CLOCK: variants seen among roughly 807,000 people sequenced by gnomAD.
CLOCK encodes the protein clock circadian regulator.
A neutral mutation model predicts 118.4 loss-of-function variants in CLOCK; 43 were observed. The observed-to-expected ratio is 0.36, with a 90% CI of 0.28 to 0.47. CLOCK has a LOEUF of 0.47. CLOCK is among the 20% of genes least tolerant of loss of function. The pLI is 1.00. For missense variants in CLOCK, 846 were observed against 999.9 expected (o/e 0.85, Z 2.08); for synonymous variants, 326 against 339.2 (o/e 0.96, Z 0.43).
At chr4:55,452,892 C>T in intron 15 of CLOCK, 162 bp downstream of exon 15, 4 of 555,160 alleles carry the variant, frequency 7.2e-6, no homozygotes, top group Non-Finnish European at 1.2e-5. Flanking sequence ...AGGTGAGACT[C>T]TAAAATATTA....
At chr4:55,521,142 G>A (rs1729821160) in intron 1 of CLOCK, among the ~76,000 whole-genome samples, 1 of 152,068 alleles carries the variant, frequency 6.6e-6, no homozygotes. Flanking sequence ...AAATGTACTA[G>A]AAAAAAATTC....
At position 55,428,583 on chromosome 4, in the gene CLOCK, AAT is replaced by A. The variant is rs1722331200; in HGVS notation, c.*6830_*6831del. On this transcript the variant is annotated 3_prime_UTR_variant, in exon 23 of 23. Coordinates refer to ENST00000513440, the MANE Select transcript of CLOCK (RefSeq NM_004898.4). ...TAAAGGGTATTCTTATCTCAAGATC[AAT>A]TAGCCGTTTTTAGCTCCACCGTTTT... 6.6e-6 allele frequency: 1 copy of A among 152,186 alleles called. No individual in the cohort carries two copies. The highest frequency in any genetic ancestry group is 1.5e-5 in the Non-Finnish European group (1 of 68,030). 9.4% of individuals were successfully genotyped at this position (152,186 alleles called of 1,614,324 possible). A position where few individuals can be genotyped will look rare whatever the true frequency, so the allele number is the denominator to read the frequency against.
At chr4:55,454,024 A>G (rs140656344) in intron 13 of CLOCK, among the ~76,000 whole-genome samples, 200 bp from the exon 14 acceptor site, 13 of 152,314 alleles carry the variant, frequency 8.5e-5, no homozygotes, top group African/African-American at 2.9e-4. Context: ...TACAGTGCCC[A>G]ATTCACAGCT....
chr4:55,544,165 GACACACACAC>G (rs35842826), intron 1 of CLOCK, among the ~76,000 whole-genome samples: 90 of 148,210 alleles, frequency 6.1e-4, no homozygotes, highest in Middle Eastern at 6.9e-3. Flanking sequence ...GAAACAACCA[GACACACACAC>G]ACACACACAC....
chr4:55,516,722 G>A (rs1202800462), intron 1 of CLOCK, among the ~76,000 whole-genome samples: 2 of 152,092 alleles, frequency 1.3e-5, no homozygotes, highest in Non-Finnish European at 2.9e-5. Flanking sequence ...TAGATTACTA[G>A]CTACCATATT....
At chr4:55,503,998 A>AAAAAAAAAAAAAAAAAAAC (rs1438133434) in intron 2 of CLOCK, among the ~76,000 whole-genome samples, 1 of 147,916 alleles carries the variant, frequency 6.8e-6, no homozygotes, top group Non-Finnish European at 1.5e-5. Context: ...AAAAAAAAAA[A>AAAAAAAAAAAAAAAAAAAC]AAAAAGCCGG....
chr4:55,479,951 A>C (rs903951807), intron 4 of CLOCK, among the ~76,000 whole-genome samples: 5 of 152,238 alleles, frequency 3.3e-5, no homozygotes, highest in Admixed American at 2.0e-4. Context: ...CATGCTAAAC[A>C]AGAATTTAAC....
rs1313714692 is a variant in CLOCK, at chr4:55,434,428, C to T, written c.*987G>A. On this transcript the variant is annotated 3_prime_UTR_variant, in exon 23 of 23. Coordinates refer to ENST00000513440, the MANE Select transcript of CLOCK (RefSeq NM_004898.4). ...TTTCAGGCTTGTTGAAAACCATTTA[C>T]GCAAATATTTCCAACTATGAACTAT... is the stretch of plus-strand genomic sequence containing the variant. 1 of 152,548 alleles carries T rather than the reference C, an allele frequency of 6.6e-6. No individual in the cohort carries two copies. Among genetic ancestry groups the T allele is most frequent in the East Asian group, 1.9e-4 (1 of 5,198 alleles). The allele number at this position is 152,548 out of a possible 1,614,324, so 9.4% of individuals were successfully genotyped here. A position where few individuals can be genotyped will look rare whatever the true frequency, so the allele number is the denominator to read the frequency against.
intron 7 of CLOCK, 35 bp from the exon 8 acceptor site, chr4:55,470,841 G>A (rs768693501): frequency 5.5e-6 from 8 of 1,444,396 alleles, no homozygotes; most frequent in South Asian, 1.2e-5. Flanking sequence ...TAAATGAAAA[G>A]AAAAAAGTAT....
chr4:55,478,733 A>C (rs954006222), intron 6 of CLOCK, 82 bp downstream of exon 6: 1 of 1,356,380 alleles, frequency 7.4e-7, no homozygotes, highest in Non-Finnish European at 1.0e-6. Context: ...AAGCCAAGGA[A>C]GCATCCAATC....
At chr4:55,448,644 GCTCC>G (rs1454756971) in intron 18 of CLOCK, 131 bp downstream of exon 18, 2 of 571,256 alleles carry the variant, frequency 3.5e-6, no homozygotes, top group Non-Finnish European at 6.4e-6. Flanking sequence ...GTGTGTGTGT[GCTCC>G]TACCTCAGCC....
intron 4 of CLOCK, among the ~76,000 whole-genome samples, chr4:55,480,209 A>G (rs140721842): frequency 2.6e-5 from 4 of 152,302 alleles, no homozygotes; most frequent in African/African-American, 9.6e-5. Context: ...TCTGTTCTGG[A>G]CATGTTTAGT....
At chr4:55,504,048 G>C (rs1728622759) in intron 2 of CLOCK, among the ~76,000 whole-genome samples, 1 of 145,206 alleles carries the variant, frequency 6.9e-6, no homozygotes, top group African/African-American at 2.5e-5. Context: ...ACTTTGGGAG[G>C]CCAAGGCGGG....
At chr4:55,460,281 G>C (rs1003754013) in intron 9 of CLOCK, among the ~76,000 whole-genome samples, 2 of 151,960 alleles carry the variant, frequency 1.3e-5, no homozygotes, top group African/African-American at 2.4e-5. Context: ...TCATACTAGG[G>C]GTTTTCACAA....
chr4:55,461,999 T>G (rs1364532712), intron 9 of CLOCK, among the ~76,000 whole-genome samples: 1 of 152,186 alleles, frequency 6.6e-6, no homozygotes, highest in Non-Finnish European at 1.5e-5. Flanking sequence ...TCTAAGCAAT[T>G]TTCTCTGTGT....
At chr4:55,446,391 C>T (rs1369298929) in intron 18 of CLOCK, among the ~76,000 whole-genome samples, 1 of 152,040 alleles carries the variant, frequency 6.6e-6, no homozygotes, top group Non-Finnish European at 1.5e-5. Context: ...TACCCCTTAA[C>T]AAAGGAAAAA....
chr4:55,534,531 T>C (rs568187487), intron 1 of CLOCK, among the ~76,000 whole-genome samples: 36 of 152,174 alleles, frequency 2.4e-4, no homozygotes, highest in Admixed American at 3.3e-4. Context: ...CACATGCTAA[T>C]AGACTCTAAT....
At chr4:55,538,684 C>T (rs1282551526) in intron 1 of CLOCK, among the ~76,000 whole-genome samples, 1 of 152,162 alleles carries the variant, frequency 6.6e-6, no homozygotes, top group South Asian at 2.1e-4. Context: ...ATTCAAAAAA[C>T]TCTATAAACA....
rs1429667100 is a variant in CLOCK, at chr4:55,458,939, C to T, written c.745G>A (p.Val249Ile). The T allele has an allele frequency of 1.2e-6, 2 of 1,613,750 alleles. No individual in the cohort carries two copies. The highest frequency in any genetic ancestry group is 3.3e-5 in the Admixed American group (2 of 59,970). Residue 249 changes from valine to isoleucine, a missense_variant, in exon 11 of 23, where the codon GTT (valine) becomes ATT (isoleucine). Physicochemically the swap from Val to Ile is conservative, Grantham distance 29 (BLOSUM62 3). Around this residue, in one of 4 missense-constraint regions of CLOCK, gnomAD observed 246 missense variants for 300.2 expected, o/e 0.82. Coordinates refer to ENST00000513440, the MANE Select transcript of CLOCK (RefSeq NM_004898.4). ...RTHRPSYEDRVCFVATVRLAT... is the reference protein window; with the variant it reads ...RTHRPSYEDRICFVATVRLAT... Reference sequence around the variant, plus strand: ...AACCTGACAGTAGCTACAAAACAAACTCTATCTTCATAAGATGGCCTATGT... The same window carrying T: ...AACCTGACAGTAGCTACAAAACAAATTCTATCTTCATAAGATGGCCTATGT...
Sources: gnomAD v4.1 joint callset for allele counts (sites outside exome capture counted in the v4.1 genomes callset) on GRCh38, gnomAD v4.1.1 for gene constraint, gnomAD v4.1.1 regional missense constraint, MANE v1.5 for transcripts, NCBI Gene and HGNC (gene_info 2026-07-23, HGNC 2026-07-21) for gene names.